NREP: variants seen among roughly 807,000 people sequenced by gnomAD.
NREP encodes neuronal regeneration related protein.
NREP carries 5 observed loss-of-function variants against 8.6 expected under a neutral mutation model. That is an observed-to-expected ratio of 0.58 (90% CI 0.30 to 1.22). The LOEUF is 1.22. Among genes scored for constraint, NREP ranks in the 50% most tolerant of loss-of-function variants. The pLI, the probability that NREP is intolerant of heterozygous loss-of-function variation, is 0.07. For missense variants in NREP, 86 were observed against 82.5 expected (o/e 1.04, Z -0.17); for synonymous variants, 27 against 28.0 (o/e 0.96, Z 0.11).
intron 2 of NREP, among the ~76,000 whole-genome samples, chr5:111,941,728 A>C (rs1389775380): frequency 6.6e-6 from 1 of 152,070 alleles, no homozygotes; most frequent in African/African-American, 2.4e-5. Flanking sequence ...AATGGGATTG[A>C]TAATAAAAGC....
At chr5:111,918,343 T>C (rs1183105740) in intron 2 of NREP, among the ~76,000 whole-genome samples, 1 of 152,152 alleles carries the variant, frequency 6.6e-6, no homozygotes, top group East Asian at 1.9e-4. Flanking sequence ...CCTCACAGAA[T>C]TAGAAAAAAC....
At chr5:111,826,770 A>G (rs910957197) in intron 2 of NREP, among the ~76,000 whole-genome samples, 2 of 152,194 alleles carry the variant, frequency 1.3e-5, no homozygotes, top group Non-Finnish European at 2.9e-5. Flanking sequence ...CCTGGCCTCA[A>G]GTGATCCACC....
chr5:111,891,386 T>C (rs540481708), intron 2 of NREP, among the ~76,000 whole-genome samples: 3 of 152,206 alleles, frequency 2.0e-5, no homozygotes, highest in African/African-American at 7.2e-5. Flanking sequence ...TAACAGTCTC[T>C]AAAAAATTTC....
chr5:111,737,261 T>G (rs1276435528), intron 2 of NREP, among the ~76,000 whole-genome samples: 1 of 152,190 alleles, frequency 6.6e-6, no homozygotes, highest in Non-Finnish European at 1.5e-5. Flanking sequence ...TTTTTCAGAC[T>G]TATAACAAAG....
At chr5:111,854,101 AAAG>A (rs1253283113) in intron 2 of NREP, among the ~76,000 whole-genome samples, 1 of 152,174 alleles carries the variant, frequency 6.6e-6, no homozygotes, top group Middle Eastern at 3.2e-3. Flanking sequence ...CTTTATTCTC[AAAG>A]AAGAATTAAA....
At chr5:111,767,824 C>G (rs1248060736) in intron 2 of NREP, among the ~76,000 whole-genome samples, 1 of 152,048 alleles carries the variant, frequency 6.6e-6, no homozygotes, top group Non-Finnish European at 1.5e-5. Context: ...TGCCGCCCTG[C>G]CTGGCTAGTA....
At chr5:111,865,418 C>T (rs1035516632) in intron 2 of NREP, among the ~76,000 whole-genome samples, 94 of 152,220 alleles carry the variant, frequency 6.2e-4, no homozygotes, top group African/African-American at 2.2e-3. Context: ...TGTAGCTCTT[C>T]AACTGCTAAA....
chr5:111,792,083 A>C lies in NREP; in HGVS notation c.136-56576T>G, dbSNP rs147904118. 4.6e-5 allele frequency among the ~76,000 whole-genome samples: 7 copies of C among 152,332 alleles called. No individual in the cohort carries two copies. In the East Asian group the frequency reaches 1.4e-3, roughly 29 times the overall value. The stretch of plus-strand genomic sequence containing the variant: ...TAATTTGCTTTAGACCTAGGTGTGA[A>C]GAAACTATCTGTTTCTCTGGAAGAA... On this transcript the variant is annotated intron_variant, in intron 2 of 3. Transcript: ENST00000395634.
At chr5:111,922,553 A>G (rs758284616) in intron 2 of NREP, among the ~76,000 whole-genome samples, 1 of 152,140 alleles carries the variant, frequency 6.6e-6, no homozygotes, top group Non-Finnish European at 1.5e-5. Flanking sequence ...CCATTCTCTG[A>G]GCTCGATGGA....
At chr5:111,882,806 T>C (rs1309274361) in intron 2 of NREP, among the ~76,000 whole-genome samples, 3 of 152,132 alleles carry the variant, frequency 2.0e-5, no homozygotes, top group Non-Finnish European at 4.4e-5. Flanking sequence ...AGGCCTGCCC[T>C]AAAAGAGCTC....
intron 2 of NREP, among the ~76,000 whole-genome samples, chr5:111,827,983 A>G (rs1316306380): frequency 2.6e-5 from 4 of 152,158 alleles, no homozygotes; most frequent in African/African-American, 9.7e-5. Flanking sequence ...CTTCCACAGC[A>G]CCTTTTGTAT....
intron 2 of NREP, among the ~76,000 whole-genome samples, chr5:111,953,157 T>C (rs1756212717): frequency 6.6e-6 from 1 of 152,134 alleles, no homozygotes; most frequent in Non-Finnish European, 1.5e-5. Flanking sequence ...ATTATTTTCT[T>C]TCTTTTTTCT....
In NREP at chr5:111,757,164, T is replaced by G. The variant is rs1284307400; in HGVS notation, c.-87A>C. On this transcript the variant is annotated 5_prime_UTR_variant, in exon 1 of 4. Coordinates refer to ENST00000257435, the MANE Select transcript of NREP (RefSeq NM_004772.4). ...CAAAAGCCCCGCTCCCTGTTCACTC[T>G]CTCTCCTCTCTACACCTGAAACACA... is the stretch of plus-strand genomic sequence containing the variant. 1 of 974,690 alleles carries G rather than the reference T, an allele frequency of 1.0e-6. No individual in the cohort carries two copies. Among genetic ancestry groups the G allele is most frequent in the Non-Finnish European group, 1.2e-6 (1 of 826,954 alleles). 60.4% of individuals were successfully genotyped at this position (974,690 alleles called of 1,614,324 possible). A position where few individuals can be genotyped will look rare whatever the true frequency, so the allele number is the denominator to read the frequency against.
rs1487304496 is a variant in NREP at position 111,806,378 on chromosome 5, TA to T, written c.136-70872del. 7.9e-5 allele frequency among the ~76,000 whole-genome samples: 12 copies of T among 152,170 alleles called. No homozygotes were observed. In the East Asian group the frequency reaches 2.3e-3, roughly 29 times the overall value. On this transcript the variant is annotated intron_variant, in intron 2 of 3. Coordinates refer to the NREP transcript ENST00000395634. ...AGAAAACTGGAGATTCATGTGGTTT[TA>T]AAAATGTGTTACTCTTCATCCTTTC...
At chr5:111,755,610 T>G in intron 2 of NREP, 160 bp downstream of exon 2, 1 of 728,550 alleles carries the variant, frequency 1.4e-6, no homozygotes, top group East Asian at 2.5e-5. Context: ...CATAAATTGC[T>G]GTACTGCAAC....
At chr5:111,745,453 C>A (rs1749942446) in intron 2 of NREP, among the ~76,000 whole-genome samples, 1 of 152,134 alleles carries the variant, frequency 6.6e-6, no homozygotes. Context: ...ATGTCCAGCA[C>A]AATATAAATA....
chr5:111,811,866 G>A (rs1462487293), intron 2 of NREP, among the ~76,000 whole-genome samples: 2 of 152,098 alleles, frequency 1.3e-5, no homozygotes, highest in South Asian at 2.1e-4. Flanking sequence ...GAGTCCCAGA[G>A]AAGCAAAGAT....
Position 111,808,762 on chromosome 5 carries a change from T to C in NREP, c.136-73255A>G, listed in dbSNP as rs1330984786. Among the ~76,000 whole-genome samples, 3 of 152,284 alleles carry C rather than the reference T, an allele frequency of 2.0e-5. No homozygotes were observed. The East Asian group carries it at 5.8e-4, about 29-fold the overall frequency. ...GTGCTACTCCAGCACTCTACACTTTTCCTATGATAACCTTTATTGTCCAGT... is the reference window on the plus strand; with the variant it reads ...GTGCTACTCCAGCACTCTACACTTTCCCTATGATAACCTTTATTGTCCAGT... On this transcript the variant is annotated intron_variant, in intron 2 of 3. Transcript: ENST00000395634.
At chr5:111,832,142 C>A (rs1221655024) in intron 2 of NREP, among the ~76,000 whole-genome samples, 3 of 152,128 alleles carry the variant, frequency 2.0e-5, no homozygotes, top group Admixed American at 6.6e-5. Context: ...GGTAGAGCCA[C>A]AACCCTGGCC....
Sources: allele counts gnomAD v4.1 joint callset (sites outside exome capture counted in the v4.1 genomes callset), GRCh38; gene constraint gnomAD v4.1.1; transcripts MANE v1.5; gene names NCBI Gene and HGNC (gene_info 2026-07-23, HGNC 2026-07-21).